The following SLC4A10 variants were observed in gnomAD, a reference collection of about 807,000 sequenced individuals.
SLC4A10 encodes the protein solute carrier family 4 member 10.
In SLC4A10, 42 loss-of-function variants were observed where a neutral mutation model predicts 137.7. The ratio of observed to expected loss-of-function variants is 0.30; its 90% CI spans 0.24 to 0.39. SLC4A10 has a LOEUF of 0.39. Ranked by LOEUF, SLC4A10 falls within the 10% of genes least tolerant of loss-of-function variation. The pLI, the probability that SLC4A10 is intolerant of heterozygous loss-of-function variation, is 1.00. For synonymous variants in SLC4A10, 474 were observed against 464.1 expected, an observed-to-expected ratio of 1.02 and a Z score of -0.27; for missense variants, 925 against 1,355.0, an observed-to-expected ratio of 0.68 and a Z score of 4.98.
chr2:161,770,575 G>A (rs1433386621), intron 1 of SLC4A10, among the ~76,000 whole-genome samples: 1 of 151,900 alleles, frequency 6.6e-6, no homozygotes, highest in African/African-American at 2.4e-5. Context: ...CATAGCATTA[G>A]TGGTGTTAAT....
chr2:161,921,536 A>G (rs1049376340), intron 15 of SLC4A10, among the ~76,000 whole-genome samples: 4 of 152,248 alleles, frequency 2.6e-5, no homozygotes, highest in African/African-American at 9.6e-5. Context: ...AAAAATGGAA[A>G]AAATGAAAAA....
chr2:161,946,285 T>C (rs13430823), intron 16 of SLC4A10, among the ~76,000 whole-genome samples: 49,953 of 151,862 alleles, frequency 0.33, 8,501 homozygotes, highest in East Asian at 0.61. Context: ...GTATTAACTA[T>C]ATTTCTCAAG....
intron 1 of SLC4A10, among the ~76,000 whole-genome samples, chr2:161,652,653 T>G (rs931057093): frequency 1.3e-5 from 2 of 152,180 alleles, no homozygotes; most frequent in African/African-American, 4.8e-5. Context: ...TAAAATACAG[T>G]CTTGTTCACT....
At chr2:161,643,198 A>G (rs2035545666) in intron 1 of SLC4A10, among the ~76,000 whole-genome samples, 1 of 152,086 alleles carries the variant, frequency 6.6e-6, no homozygotes, top group African/African-American at 2.4e-5. Context: ...AGAAGCTTAC[A>G]TTTCCACTGA....
At chr2:161,871,677 C>T (rs2061136949) in intron 6 of SLC4A10, among the ~76,000 whole-genome samples, 1 of 151,922 alleles carries the variant, frequency 6.6e-6, no homozygotes, top group Non-Finnish European at 1.5e-5. Context: ...AGACTAGTAC[C>T]AGTATGCTTA....
chr2:161,781,392 A>G (rs1449065059), intron 2 of SLC4A10, among the ~76,000 whole-genome samples: 1 of 152,060 alleles, frequency 6.6e-6, no homozygotes, highest in Non-Finnish European at 1.5e-5. Flanking sequence ...TTTAAAAAAT[A>G]TTCAACTTGT....
intron 1 of SLC4A10, among the ~76,000 whole-genome samples, chr2:161,703,717 A>G (rs2043361956): frequency 6.6e-6 from 1 of 151,720 alleles, no homozygotes; most frequent in African/African-American, 2.4e-5. Flanking sequence ...ACTGGAGTAA[A>G]AAGAAGAAAT....
chr2:161,770,727 C>A (rs1289540712), intron 1 of SLC4A10, among the ~76,000 whole-genome samples: 1 of 151,672 alleles, frequency 6.6e-6, no homozygotes, highest in Non-Finnish European at 1.5e-5. Flanking sequence ...ACAAATGGTG[C>A]CAACTGGAAT....
At chr2:161,755,126 A>G (rs1424479864) in intron 1 of SLC4A10, among the ~76,000 whole-genome samples, 2 of 152,218 alleles carry the variant, frequency 1.3e-5, no homozygotes, top group South Asian at 2.1e-4. Context: ...CATCAGACTC[A>G]TTGAACACAA....
intron 1 of SLC4A10, among the ~76,000 whole-genome samples, chr2:161,744,235 T>TC (rs577027889): frequency 6.8e-4 from 103 of 152,270 alleles, no homozygotes; most frequent in Middle Eastern, 3.4e-3. Context: ...TTTCAATTTT[T>TC]CCCCATGTAG....
At chr2:161,696,509 T>A (rs2042527906) in intron 1 of SLC4A10, among the ~76,000 whole-genome samples, 10 of 122,986 alleles carry the variant, frequency 8.1e-5, no homozygotes, top group Middle Eastern at 5.1e-3. Flanking sequence ...CCTGTGTCCA[T>A]GTGTTCTCAT....
chr2:161,769,777 C>T (rs1239032090), intron 1 of SLC4A10, among the ~76,000 whole-genome samples: 1 of 151,400 alleles, frequency 6.6e-6, no homozygotes, highest in Non-Finnish European at 1.5e-5. Flanking sequence ...ATTTTTCCTC[C>T]CCCTCTCTCT....
chr2:161,763,329 A>G (rs1253086099), intron 1 of SLC4A10, among the ~76,000 whole-genome samples: 1 of 152,144 alleles, frequency 6.6e-6, no homozygotes, highest in East Asian at 1.9e-4. Flanking sequence ...TAAAATAAAC[A>G]TGACACATGT....
At chr2:161,781,123 G>C (rs1173382733) in intron 2 of SLC4A10, among the ~76,000 whole-genome samples, 1 of 152,002 alleles carries the variant, frequency 6.6e-6, no homozygotes, top group Non-Finnish European at 1.5e-5. Flanking sequence ...ATAGTATCTT[G>C]AGCTTTCAGA....
chr2:161,843,052 C>A (rs562424996), intron 4 of SLC4A10, among the ~76,000 whole-genome samples: 2 of 152,058 alleles, frequency 1.3e-5, no homozygotes, highest in African/African-American at 2.4e-5. Flanking sequence ...TTTTAGAGTT[C>A]CTTCTTTACC....
chr2:161,733,572 T>A (rs553107332), intron 1 of SLC4A10, among the ~76,000 whole-genome samples: 55 of 152,308 alleles, frequency 3.6e-4, no homozygotes, highest in Middle Eastern at 3.4e-3. Flanking sequence ...AGACGGGAAA[T>A]GTGGGGTTGG....
chr2:161,810,309 A>G (rs2056415738), intron 3 of SLC4A10, among the ~76,000 whole-genome samples: 1 of 152,056 alleles, frequency 6.6e-6, no homozygotes, highest in African/African-American at 2.4e-5. Flanking sequence ...AATCATCAGC[A>G]AAGAGAGATA....
At chr2:161,768,653 T>C (rs1009299214) in intron 1 of SLC4A10, among the ~76,000 whole-genome samples, 5 of 152,004 alleles carry the variant, frequency 3.3e-5, no homozygotes, top group African/African-American at 4.8e-5. Flanking sequence ...TATAAGAATT[T>C]AGTAGACTTC....
intron 1 of SLC4A10, among the ~76,000 whole-genome samples, chr2:161,637,217 AGACAGAGT>A (rs1485250157): frequency 6.6e-6 from 1 of 151,218 alleles, no homozygotes; most frequent in African/African-American, 2.4e-5. Context: ...AGAGAGAGAG[AGACAGAGT>A]CTCACTCTGT....
Sources: allele counts gnomAD v4.1 joint callset (sites outside exome capture counted in the v4.1 genomes callset), GRCh38; gene constraint gnomAD v4.1.1; transcripts MANE v1.5; gene names NCBI Gene and HGNC (gene_info 2026-07-23, HGNC 2026-07-21).